The following C2CD2 variants were observed in gnomAD, a reference collection of about 807,000 sequenced individuals.
The protein encoded by C2CD2 is C2 calcium dependent domain containing 2.
C2CD2 carries 43 observed loss-of-function variants against 74.3 expected under a neutral mutation model. The ratio of observed to expected loss-of-function variants is 0.58; its 90% confidence interval spans 0.45 to 0.75. The LOEUF (loss-of-function observed/expected upper bound fraction) is 0.75. Ranked by LOEUF, C2CD2 falls within the 30% of genes least tolerant of loss-of-function variation. The pLI is 0.00. For missense variants in C2CD2, 801 were observed against 916.3 expected, an observed-to-expected ratio of 0.87 and a Z score of 1.63; for synonymous variants, 422 against 390.7, an observed-to-expected ratio of 1.08 and a Z score of -0.94.
chr21:41,901,921 T>G (rs1457760147), intron 11 of C2CD2, among the ~76,000 whole-genome samples, 172 bp from the exon 12 acceptor site: 1 of 152,218 alleles, frequency 6.6e-6, no homozygotes, highest in Non-Finnish European at 1.5e-5. Flanking sequence ...AACTTCTCAA[T>G]GCAGCTTTTA....
In C2CD2 at chr21:41,937,000, G is replaced by A. The variant is rs149235582; in HGVS notation, c.378+5147C>T. On this transcript the variant is annotated intron_variant, in intron 2 of 13. Coordinates refer to ENST00000380486, the MANE Select transcript of C2CD2 (RefSeq NM_015500.2). Reference sequence around the variant, plus strand: ...TGCCTGGCTAATTTTTGTACTTTTAGTAGAGATGGGGGGTTTCACCATGTT... The same window carrying A: ...TGCCTGGCTAATTTTTGTACTTTTAATAGAGATGGGGGGTTTCACCATGTT... Among the ~76,000 whole-genome samples the A allele has an allele frequency of 6.0e-3, 905 of 150,098 alleles. 7 individuals carry two copies. Among genetic ancestry groups the A allele is most frequent in the South Asian group, 0.021 (98 of 4,728 alleles).
At chr21:41,914,476 G>A in intron 6 of C2CD2, 122 bp downstream of exon 6, 1 of 712,650 alleles carries the variant, frequency 1.4e-6, no homozygotes, top group Non-Finnish European at 2.2e-6. Flanking sequence ...AACCGTGGCA[G>A]GGCTCCCGCT....
intron 5 of C2CD2, among the ~76,000 whole-genome samples, chr21:41,916,188 G>T (rs1195814068): frequency 1.3e-5 from 2 of 152,172 alleles, no homozygotes; most frequent in African/African-American, 4.8e-5. Context: ...GGACAGAGAT[G>T]AAATCTTTTT....
At chr21:41,932,172 A>C (rs2065268397) in intron 2 of C2CD2, among the ~76,000 whole-genome samples, 2 of 149,080 alleles carry the variant, frequency 1.3e-5, no homozygotes, top group Admixed American at 1.3e-4. Flanking sequence ...CTCCATAAAA[A>C]CCCTGAAAGG....
intron 1 of C2CD2, among the ~76,000 whole-genome samples, chr21:41,949,582 C>G (rs189423280): frequency 6.6e-6 from 1 of 152,166 alleles, no homozygotes; most frequent in Non-Finnish European, 1.5e-5. Context: ...GACAGTGTGA[C>G]GATTCCTCAA....
At chr21:41,904,737 C>T (rs1055827373) in intron 11 of C2CD2, among the ~76,000 whole-genome samples, 7 of 152,198 alleles carry the variant, frequency 4.6e-5, no homozygotes, top group African/African-American at 4.8e-5. Flanking sequence ...GAACTTTCCA[C>T]TCCCCTGACT....
chr21:41,935,436 T>A (rs1601597343), intron 2 of C2CD2, among the ~76,000 whole-genome samples: 1 of 152,214 alleles, frequency 6.6e-6, no homozygotes. Flanking sequence ...TTTATGATAA[T>A]AGCGGAATTC....
At chr21:41,946,905 T>C (rs183388203) in intron 1 of C2CD2, among the ~76,000 whole-genome samples, 6 of 152,046 alleles carry the variant, frequency 3.9e-5, no homozygotes, top group Admixed American at 3.9e-4. Context: ...ATCAAGGTCA[T>C]AAAAAACAAA....
chr21:41,952,128 A>T (rs2065455156), intron 1 of C2CD2, among the ~76,000 whole-genome samples: 2 of 152,238 alleles, frequency 1.3e-5, no homozygotes, highest in South Asian at 4.1e-4. Flanking sequence ...GACACTCTCC[A>T]GCTCTGGACA....
intron 9 of C2CD2, 42 bp from the exon 10 acceptor site, chr21:41,907,208 T>C: frequency 6.4e-7 from 1 of 1,551,262 alleles, no homozygotes; most frequent in Non-Finnish European, 8.9e-7. Flanking sequence ...TTTGTGGAAG[T>C]TGCCCAGGCT....
At position 41,939,535 on chromosome 21, in the gene C2CD2, G is replaced by A. The variant is rs2146223583; in HGVS notation, c.378+2612C>T. On this transcript the variant is annotated intron_variant, in intron 2 of 13. Coordinates refer to ENST00000380486, the MANE Select transcript of C2CD2 (RefSeq NM_015500.2). This position sits in a 1 kb window ranked among gnomAD's most constrained non-coding sequence, Gnocchi z 5.5. The stretch of plus-strand genomic sequence containing the variant: ...GCACTTCCAAAGCAGCGGGCTCCAG[G>A]AGGGCAGGCCCACGGCTCTCTGCAC... Among the ~76,000 whole-genome samples, 1 of 152,302 alleles carries A rather than the reference G, an allele frequency of 6.6e-6. No homozygotes were observed. Among genetic ancestry groups the A allele is most frequent in the South Asian group, 2.1e-4 (1 of 4,826 alleles).
intron 1 of C2CD2, among the ~76,000 whole-genome samples, chr21:41,951,194 A>C (rs939788348): frequency 1.3e-5 from 2 of 152,220 alleles, no homozygotes; most frequent in East Asian, 3.9e-4. Context: ...CTACCTGCTC[A>C]CCCACAATGC....
chr21:41,897,290 C>CG (rs2064835078), intron 13 of C2CD2, among the ~76,000 whole-genome samples: 1 of 152,086 alleles, frequency 6.6e-6, no homozygotes. Context: ...GGAGGGCGGA[C>CG]GGGGGGTTGG....
chr21:41,890,533 T>G (rs1413700035), intron 13 of C2CD2, among the ~76,000 whole-genome samples: 1 of 152,260 alleles, frequency 6.6e-6, no homozygotes, highest in African/African-American at 2.4e-5. Context: ...GAGTAAGCAT[T>G]TCAGGCCAGC....
chr21:41,950,591 C>G (rs1295953319), intron 1 of C2CD2, among the ~76,000 whole-genome samples: 1 of 152,218 alleles, frequency 6.6e-6, no homozygotes, highest in African/African-American at 2.4e-5. Flanking sequence ...CTGAGCTCTT[C>G]TCGCTGGCTC....
At chr21:41,947,884 T>C (rs1371177352) in intron 1 of C2CD2, among the ~76,000 whole-genome samples, 8 of 152,062 alleles carry the variant, frequency 5.3e-5, no homozygotes, top group African/African-American at 1.4e-4. Flanking sequence ...CCACGGGCCC[T>C]TCCACGGGCT....
chr21:41,932,495 A>C (rs2065271473), intron 2 of C2CD2, among the ~76,000 whole-genome samples: 1 of 150,616 alleles, frequency 6.6e-6, no homozygotes, highest in Non-Finnish European at 1.5e-5. Context: ...TGGTGTCTGA[A>C]GTGGGGGCCG....
At chr21:41,891,877 C>G (rs1343619403) in intron 13 of C2CD2, among the ~76,000 whole-genome samples, 3 of 152,120 alleles carry the variant, frequency 2.0e-5, no homozygotes, top group African/African-American at 7.2e-5. Context: ...CCTGCTCCAC[C>G]TCCAAAGTCC....
intron 13 of C2CD2, among the ~76,000 whole-genome samples, chr21:41,898,138 T>A (rs888960323): frequency 1.3e-5 from 2 of 152,226 alleles, no homozygotes; most frequent in African/African-American, 4.8e-5. Context: ...TCTCAGGACA[T>A]CCTGAGATTT....
Sources: allele counts gnomAD v4.1 joint callset (sites outside exome capture counted in the v4.1 genomes callset), GRCh38; gene constraint gnomAD v4.1.1; non-coding constraint Gnocchi (gnomAD v3.1); transcripts MANE v1.5; gene names NCBI Gene and HGNC (gene_info 2026-07-23, HGNC 2026-07-21).